Variants in EPHA6 observed in about 807,000 individuals in gnomAD.
EPHA6 encodes ephrin type-A receptor 6.
Under a neutral mutation model 112.0 loss-of-function variants are expected in EPHA6, and 50 were observed. That is an observed-to-expected ratio of 0.45 (90% confidence interval 0.36 to 0.56). EPHA6 has a LOEUF of 0.56. Ranked by LOEUF, EPHA6 falls within the 20% of genes least tolerant of loss-of-function variation. The probability of loss-of-function intolerance (pLI) is 0.00; values close to 1 mark genes in which losing one functional copy is unlikely to be tolerated. For synonymous variants in EPHA6, 529 were observed against 490.7 expected, an observed-to-expected ratio of 1.08 and a Z score of -1.03; for missense variants, 1,280 against 1,417.4, an observed-to-expected ratio of 0.90 and a Z score of 1.56.
intron 11 of EPHA6, among the ~76,000 whole-genome samples, chr3:97,576,664 T>C (rs2093388377): frequency 6.6e-6 from 1 of 152,222 alleles, no homozygotes; most frequent in South Asian, 2.1e-4. Context: ...GTTTTACTGT[T>C]AAAAGATGAA....
chr3:97,164,516 T>C (rs2076492108), intron 3 of EPHA6, among the ~76,000 whole-genome samples: 1 of 152,140 alleles, frequency 6.6e-6, no homozygotes, highest in African/African-American at 2.4e-5. Context: ...TGTTATTATG[T>C]CCTTTAAAAT....
At chr3:97,641,497 G>T (rs552483901) in intron 14 of EPHA6, among the ~76,000 whole-genome samples, 11 of 152,324 alleles carry the variant, frequency 7.2e-5, no homozygotes, top group African/African-American at 2.6e-4. Context: ...CGACGCAGAA[G>T]ACGGGTGATT....
chr3:97,047,975 ATATATAT>A (rs1361532554), intron 3 of EPHA6, among the ~76,000 whole-genome samples: 6 of 152,174 alleles, frequency 3.9e-5, no homozygotes, highest in Non-Finnish European at 8.8e-5. Context: ...GAATTCTCAA[ATATATAT>A]TATATAGCTC....
intron 11 of EPHA6, among the ~76,000 whole-genome samples, chr3:97,550,257 A>G (rs966227961): frequency 6.6e-6 from 1 of 152,254 alleles, no homozygotes; most frequent in African/African-American, 2.4e-5. Flanking sequence ...AAGCACAGAC[A>G]TCCATTTTAC....
Position 97,405,108 on chromosome 3 carries a change from G to A in EPHA6, c.1607-42G>A, listed in dbSNP as rs2087254436. 5.8e-6 allele frequency: 9 copies of A among 1,548,300 alleles called. No homozygotes were observed. The East Asian group carries it at 2.1e-4, about 37-fold the overall frequency. On this transcript the variant is annotated intron_variant, in intron 5 of 17. Transcript: ENST00000389672. ...TATTAAAGAAAGGATAATGGAAAATGATTCCTGCCAATTAATTCTTAGTTA... is the reference window on the plus strand; with the variant it reads ...TATTAAAGAAAGGATAATGGAAAATAATTCCTGCCAATTAATTCTTAGTTA...
intron 1 of EPHA6, among the ~76,000 whole-genome samples, chr3:96,832,399 T>C (rs965987040): frequency 6.6e-5 from 10 of 152,110 alleles, no homozygotes; most frequent in Non-Finnish European, 1.2e-4. Context: ...ATATTTTCTT[T>C]TCCCCAAGTG....
At chr3:97,100,219 C>A (rs1257705364) in intron 3 of EPHA6, among the ~76,000 whole-genome samples, 4 of 150,028 alleles carry the variant, frequency 2.7e-5, no homozygotes, top group African/African-American at 9.7e-5. Flanking sequence ...GAGATCAAAG[C>A]ACACAATAAA....
chr3:97,532,305 T>A lies in EPHA6; in HGVS notation c.2201-53T>A. 14 of 1,504,956 alleles carry A rather than the reference T, an allele frequency of 9.3e-6. No homozygotes were observed. The South Asian group carries it at 1.6e-4, about 18-fold the overall frequency. 93.2% of individuals were successfully genotyped at this position (1,504,956 alleles called of 1,614,324 possible). ...TCACTGTATGACAGTTTGACTCTTC[T>A]GAAATGTAAGTGTTCGGTTTAATCA... On this transcript the variant is annotated intron_variant, in intron 10 of 17. Coordinates refer to ENST00000389672, the MANE Select transcript of EPHA6 (RefSeq NM_001080448.3).
chr3:96,966,573 C>T (rs2042127577), intron 2 of EPHA6, among the ~76,000 whole-genome samples: 2 of 152,010 alleles, frequency 1.3e-5, no homozygotes, highest in Admixed American at 1.3e-4. Context: ...ACTGTTATTA[C>T]TTTTTAGGGG....
intron 14 of EPHA6, among the ~76,000 whole-genome samples, chr3:97,713,616 C>A (rs987972462): frequency 1.3e-5 from 2 of 152,112 alleles, no homozygotes; most frequent in East Asian, 3.9e-4. Context: ...GACATTGATA[C>A]GAAATTGTGT....
At chr3:97,009,481 G>A (rs750110250) in intron 3 of EPHA6, among the ~76,000 whole-genome samples, 2 of 152,222 alleles carry the variant, frequency 1.3e-5, no homozygotes, top group Non-Finnish European at 2.9e-5. Flanking sequence ...GAAAAGAGCA[G>A]CCTAGAGCTA....
At chr3:97,275,241 C>G (rs935295383) in intron 5 of EPHA6, among the ~76,000 whole-genome samples, 1 of 152,090 alleles carries the variant, frequency 6.6e-6, no homozygotes, top group Non-Finnish European at 1.5e-5. Flanking sequence ...CAGACACGAT[C>G]AGCAGGGAGA....
intron 13 of EPHA6, among the ~76,000 whole-genome samples, chr3:97,621,604 T>C (rs183461229): frequency 1.4e-3 from 211 of 151,894 alleles, no homozygotes; most frequent in Non-Finnish European, 1.6e-3. Flanking sequence ...GGTGGAACTT[T>C]GTGCCATACC....
intron 2 of EPHA6, among the ~76,000 whole-genome samples, chr3:96,929,964 A>C (rs2040229000): frequency 6.6e-6 from 1 of 152,128 alleles, no homozygotes; most frequent in Non-Finnish European, 1.5e-5. Flanking sequence ...TTATTTTAGA[A>C]AGATATTCTC....
chr3:96,823,189 GTAAA>G (rs1444584868), intron 1 of EPHA6, among the ~76,000 whole-genome samples: 12 of 151,614 alleles, frequency 7.9e-5, no homozygotes, highest in Non-Finnish European at 4.4e-5. Flanking sequence ...AATTAAATGA[GTAAA>G]TAGAGAATTT....
intron 3 of EPHA6, among the ~76,000 whole-genome samples, chr3:97,022,001 C>T (rs2044478213): frequency 1.3e-5 from 2 of 152,152 alleles, no homozygotes; most frequent in South Asian, 2.1e-4. Flanking sequence ...ACCCTGTTCA[C>T]TCATCACTAA....
intron 5 of EPHA6, among the ~76,000 whole-genome samples, chr3:97,248,432 T>A (rs899513869): frequency 3.3e-5 from 5 of 151,976 alleles, no homozygotes; most frequent in Non-Finnish European, 2.9e-5. Context: ...TTATTCAGGT[T>A]TTAGACAGTA....
At chr3:97,453,860 T>G (rs558934366) in intron 7 of EPHA6, among the ~76,000 whole-genome samples, 34 of 151,734 alleles carry the variant, frequency 2.2e-4, no homozygotes, top group Non-Finnish European at 4.6e-4. Context: ...TACATTTTTA[T>G]GTCCCCATTT....
intron 5 of EPHA6, among the ~76,000 whole-genome samples, chr3:97,403,673 C>T (rs2087139601): frequency 6.6e-6 from 1 of 152,220 alleles, no homozygotes. Context: ...GTCTAGATCT[C>T]CTGACCTCGT....
Sources: gnomAD v4.1 joint callset for allele counts (sites outside exome capture counted in the v4.1 genomes callset) on GRCh38, gnomAD v4.1.1 for gene constraint, MANE v1.5 for transcripts, NCBI Gene and HGNC (gene_info 2026-07-23, HGNC 2026-07-21) for gene names.